Variants in PSMD1 observed in about 807,000 individuals in gnomAD.
PSMD1 encodes proteasome 26S subunit, non-ATPase 1.
PSMD1 carries 18 observed loss-of-function variants against 119.0 expected under a neutral mutation model. The observed-to-expected ratio is 0.15, with a 90% confidence interval of 0.10 to 0.22. PSMD1 has a LOEUF of 0.22. Ranked by LOEUF, PSMD1 falls within the 10% of genes least tolerant of loss-of-function variation. The pLI is 1.00. For synonymous variants in PSMD1, 374 were observed against 396.6 expected (o/e 0.94, Z 0.68); for missense variants, 702 against 1,158.5 (o/e 0.61, Z 5.72).
chr2:231,106,560 G>C (rs1694979577), intron 16 of PSMD1, among the ~76,000 whole-genome samples: 1 of 152,146 alleles, frequency 6.6e-6, no homozygotes, highest in African/African-American at 2.4e-5. Context: ...GGAGGTTGCA[G>C]TGAGCCAAGA....
chr2:231,064,965 A>G (rs1303308173), intron 4 of PSMD1, among the ~76,000 whole-genome samples: 4 of 151,482 alleles, frequency 2.6e-5, no homozygotes, highest in Non-Finnish European at 5.9e-5. Flanking sequence ...CCAACCCACT[A>G]TGTTCTTATT....
intron 16 of PSMD1, among the ~76,000 whole-genome samples, chr2:231,116,418 T>C (rs1300367589): frequency 2.0e-5 from 3 of 152,128 alleles, no homozygotes; most frequent in South Asian, 2.1e-4. Context: ...CTTGAAGTCC[T>C]TACTCTCTCT....
rs143374748 is a variant in PSMD1, at chr2:231,095,111, T to C, written c.1883+7930T>C. On this transcript the variant is annotated intron_variant, in intron 16 of 24. Coordinates refer to ENST00000308696, the MANE Select transcript of PSMD1 (RefSeq NM_002807.4). ...ACTGAATAATTTGGGTCTATGCGAT[T>C]TAGTTGCCTCTGAGAAATAGCTTGC... Among the ~76,000 whole-genome samples, 494 of 152,166 alleles carry C rather than the reference T, an allele frequency of 3.2e-3. 3 individuals are homozygous for C. The highest frequency in any genetic ancestry group is 0.011 in the African/African-American group (462 of 41,514).
At position 231,085,077 on chromosome 2, in the gene PSMD1, G is replaced by C; in HGVS notation, c.1781G>C (p.Gly594Ala). Residue 594 changes from glycine to alanine, a missense_variant, in exon 15 of 25, where the codon GGT (glycine) becomes GCT (alanine). By Grantham distance (60) the Gly-to-Ala change is moderately conservative. Coordinates refer to ENST00000308696, the MANE Select transcript of PSMD1 (RefSeq NM_002807.4). The part of the protein sequence containing the change: ...YTVAMAYCGS[G>A]NNKAIRRLLH... Reference sequence around the variant, plus strand: ...GTAGCCATGGCTTATTGTGGCTCTGGTAACAACAAAGCAATTCGACGCCTG... The same window carrying C: ...GTAGCCATGGCTTATTGTGGCTCTGCTAACAACAAAGCAATTCGACGCCTG... 1 of 1,614,058 alleles carries C rather than the reference G, an allele frequency of 6.2e-7. No individual in the cohort carries two copies. Among genetic ancestry groups the C allele is most frequent in the Non-Finnish European group, 8.5e-7 (1 of 1,179,932 alleles).
intron 10 of PSMD1, 32 bp downstream of exon 10, chr2:231,078,779 CA>C (rs763266006): frequency 1.7e-6 from 1 of 586,308 alleles, no homozygotes; most frequent in East Asian, 3.9e-5. Flanking sequence ...CACTTTGGTT[CA>C]AAATCTTTTT....
At chr2:231,061,928 C>A (rs929385180) in intron 2 of PSMD1, among the ~76,000 whole-genome samples, 2 of 152,184 alleles carry the variant, frequency 1.3e-5, no homozygotes, top group African/African-American at 4.8e-5. Context: ...GCTTCTGTTT[C>A]ACATATTTAA....
chr2:231,101,938 G>A (rs1319239124), intron 16 of PSMD1, among the ~76,000 whole-genome samples: 4 of 152,140 alleles, frequency 2.6e-5, no homozygotes, highest in African/African-American at 9.7e-5. Context: ...AGGCAAAACT[G>A]TAGAATAGCA....
chr2:231,155,665 T>C (rs1353445074), intron 19 of PSMD1, among the ~76,000 whole-genome samples: 2 of 152,018 alleles, frequency 1.3e-5, no homozygotes, highest in Admixed American at 1.3e-4. Context: ...TTGGTGTTCT[T>C]TTCTAAATTT....
chr2:231,065,784 A>C (rs996258683), intron 4 of PSMD1, among the ~76,000 whole-genome samples: 4 of 152,174 alleles, frequency 2.6e-5, no homozygotes, highest in African/African-American at 9.6e-5. Context: ...CACCCAAATC[A>C]TTGTGAAATA....
intron 12 of PSMD1, 104 bp downstream of exon 12, chr2:231,080,418 AC>A: frequency 1.1e-6 from 1 of 944,488 alleles, no homozygotes; most frequent in Non-Finnish European, 1.5e-6. Context: ...ATTTGCGAAT[AC>A]CCAAAACAAC....
At chr2:231,108,701 A>T in intron 16 of PSMD1, 3 of 1,614,128 alleles carry the variant, frequency 1.9e-6, no homozygotes, top group East Asian at 2.2e-5. Context: ...GTTCTCTGCC[A>T]TTGGATTCCG....
intron 16 of PSMD1, among the ~76,000 whole-genome samples, chr2:231,102,269 T>C (rs1218710245): frequency 6.6e-6 from 1 of 152,204 alleles, no homozygotes; most frequent in Non-Finnish European, 1.5e-5. Context: ...ACTCTCTTTA[T>C]TGTAGTAGTC....
chr2:231,171,549 ATTT>A (rs568576394), intron 24 of PSMD1, among the ~76,000 whole-genome samples: 4 of 117,260 alleles, frequency 3.4e-5, no homozygotes, highest in African/African-American at 6.6e-5. Context: ...TTTTCAGACA[ATTT>A]TTTTTTTTTT....
At chr2:231,153,762 T>A in intron 19 of PSMD1, 96 bp downstream of exon 19, 5 of 869,812 alleles carry the variant, frequency 5.7e-6, no homozygotes, top group Non-Finnish European at 8.7e-6. Flanking sequence ...AAATTGAGTC[T>A]GAGGCAAATT....
At chr2:231,157,046 A>G (rs778928773) in intron 19 of PSMD1, among the ~76,000 whole-genome samples, 39 of 152,144 alleles carry the variant, frequency 2.6e-4, no homozygotes, top group Non-Finnish European at 5.1e-4. Context: ...TTAAAACAAC[A>G]TTTAGGGATA....
intron 16 of PSMD1, among the ~76,000 whole-genome samples, chr2:231,105,267 T>C (rs1343482057): frequency 6.6e-6 from 1 of 152,190 alleles, no homozygotes; most frequent in African/African-American, 2.4e-5. Flanking sequence ...ACATAGTACA[T>C]TAATTTTTAT....
intron 16 of PSMD1, among the ~76,000 whole-genome samples, chr2:231,103,225 C>T (rs563770180): frequency 6.0e-4 from 91 of 152,276 alleles, no homozygotes; most frequent in African/African-American, 2.1e-3. Flanking sequence ...CATGGTATTT[C>T]TTCTTACACC....
At chr2:231,074,396 A>G (rs1559220006) in intron 7 of PSMD1, among the ~76,000 whole-genome samples, 1 of 152,138 alleles carries the variant, frequency 6.6e-6, no homozygotes, top group African/African-American at 2.4e-5. Flanking sequence ...GTGAGCCACC[A>G]TACCCGGCCT....
At chr2:231,114,573 A>C (rs975065218) in intron 16 of PSMD1, among the ~76,000 whole-genome samples, 4 of 152,188 alleles carry the variant, frequency 2.6e-5, no homozygotes, top group Admixed American at 6.5e-5. Context: ...TTCATCATTC[A>C]CTCCAAAAAC....
Sources: allele counts gnomAD v4.1 joint callset (sites outside exome capture counted in the v4.1 genomes callset), GRCh38; gene constraint gnomAD v4.1.1; transcripts MANE v1.5; gene names NCBI Gene and HGNC (gene_info 2026-07-23, HGNC 2026-07-21).